The following ADAM18 variants were observed in gnomAD, a reference collection of about 807,000 sequenced individuals.
The protein encoded by ADAM18 is ADAM metallopeptidase domain 18, also known as disintegrin and metalloproteinase domain-containing protein 18.
In ADAM18, 117 loss-of-function variants were observed where a neutral mutation model predicts 94.4. The ratio of observed to expected loss-of-function variants is 1.24; its 90% CI spans 1.07 to 1.45. The LOEUF is 1.45. Among genes scored for constraint, ADAM18 ranks in the 40% most tolerant of loss-of-function variants. The pLI, the probability that ADAM18 is intolerant of heterozygous loss-of-function variation, is 0.00. For missense variants in ADAM18, 936 were observed against 880.0 expected, an observed-to-expected ratio of 1.06 and a Z score of -0.81; for synonymous variants, 327 against 291.6, an observed-to-expected ratio of 1.12 and a Z score of -1.24.
chr8:39,728,860 A>G (rs1323026643), intron 19 of ADAM18, among the ~76,000 whole-genome samples: 4 of 152,212 alleles, frequency 2.6e-5, no homozygotes. Context: ...AGAGTATTCC[A>G]TAGAAGGACA....
intron 6 of ADAM18, among the ~76,000 whole-genome samples, chr8:39,622,833 A>G (rs1197571126): frequency 1.3e-5 from 2 of 152,178 alleles, no homozygotes; most frequent in Non-Finnish European, 2.9e-5. Context: ...GTAAACCTCT[A>G]AGACTTTCTA....
intron 6 of ADAM18, among the ~76,000 whole-genome samples, chr8:39,620,383 A>AC (rs1819579066): frequency 2.7e-5 from 4 of 148,056 alleles, no homozygotes; most frequent in African/African-American, 9.9e-5. Flanking sequence ...AACAAAAAAA[A>AC]ATCACAAAAC....
chr8:39,645,759 A>G (rs7822559), intron 11 of ADAM18, among the ~76,000 whole-genome samples: 1 of 152,146 alleles, frequency 6.6e-6, no homozygotes, highest in African/African-American at 2.4e-5. Flanking sequence ...TTGCTTTGTA[A>G]CCATCTTAAA....
At chr8:39,618,760 G>C (rs1427461068) in intron 6 of ADAM18, among the ~76,000 whole-genome samples, 2 of 152,130 alleles carry the variant, frequency 1.3e-5, no homozygotes, top group East Asian at 3.9e-4. Flanking sequence ...TCCCGCAAGG[G>C]TCGCATTCCA....
intron 6 of ADAM18, among the ~76,000 whole-genome samples, chr8:39,620,786 A>C (rs1819593204): frequency 6.6e-6 from 1 of 151,878 alleles, no homozygotes; most frequent in Admixed American, 6.6e-5. Context: ...CACTGGATGT[A>C]GTTACTTATA....
At chr8:39,606,130 G>A (rs1024847756) in intron 2 of ADAM18, among the ~76,000 whole-genome samples, 177 bp from the exon 3 acceptor site, 1 of 151,770 alleles carries the variant, frequency 6.6e-6, no homozygotes, top group African/African-American at 2.4e-5. Context: ...ACATTAAATT[G>A]GTCACATTGT....
chr8:39,666,386 T>A (rs1304749617), intron 13 of ADAM18, among the ~76,000 whole-genome samples: 1 of 152,148 alleles, frequency 6.6e-6, no homozygotes, highest in African/African-American at 2.4e-5. Context: ...TCATCCTTTT[T>A]TGAAATATAT....
At chr8:39,586,789 T>TATCTATC (rs1554500908) in intron 2 of ADAM18, among the ~76,000 whole-genome samples, 25 of 136,422 alleles carry the variant, frequency 1.8e-4, no homozygotes, top group African/African-American at 6.0e-4. Context: ...TCTATCTATC[T>TATCTATC]ATCTATCTAT....
In ADAM18 at chr8:39,637,321, G is replaced by T; in HGVS notation, c.646G>T (p.Gly216Trp). The T allele has an allele frequency of 6.2e-7, 1 of 1,605,496 alleles. No individual in the cohort carries two copies. The change falls in exon 8 of 20, where the codon GGG becomes TGG. Residue 216 changes from glycine to tryptophan, a missense_variant. Physicochemically the swap from Gly to Trp is radical, Grantham distance 184 (BLOSUM62 -2). Transcript: ENST00000265707. ...AVTQKIVQVI[G>W]LVNTMFTQFK... ...AACACAAAAAATTGTCCAGGTTATT[G>T]GGCTTGTCAACACTGTAAGTTTTTA...
chr8:39,689,035 C>A (rs1046427930), intron 16 of ADAM18, among the ~76,000 whole-genome samples: 3 of 151,686 alleles, frequency 2.0e-5, no homozygotes, highest in Non-Finnish European at 4.4e-5. Context: ...TGTTCATGTT[C>A]TTTGGCCACT....
chr8:39,663,835 A>T lies in ADAM18; in HGVS notation c.1271A>T (p.Lys424Ile), dbSNP rs181716138. The T allele has an allele frequency of 1.2e-6, 2 of 1,612,732 alleles. No individual in the cohort carries two copies. The highest frequency in any genetic ancestry group is 2.2e-5 in the South Asian group (2 of 90,616). The change falls in exon 13 of 20, where the codon AAA (lysine) becomes ATA (isoleucine). Residue 424 changes from lysine (K) to isoleucine (I), a missense_variant. By Grantham distance (102) the Lys-to-Ile change is moderately radical. Transcript: ENST00000265707. Reference protein sequence around the residue: ...FKKCCDYNTCKLKGSVKCGSG... With the variant: ...FKKCCDYNTCILKGSVKCGSG... ...AAGTGCTGTGATTATAACACATGTAAACTGAAGGGCTCAGTAAAATGTGGT... is the reference window on the plus strand; with the variant it reads ...AAGTGCTGTGATTATAACACATGTATACTGAAGGGCTCAGTAAAATGTGGT...
chr8:39,696,302 T>A (rs1182987201), intron 17 of ADAM18, among the ~76,000 whole-genome samples: 2 of 73,678 alleles, frequency 2.7e-5, no homozygotes, highest in African/African-American at 1.2e-4. Flanking sequence ...ATCATATATG[T>A]GATTTGCTAT....
At chr8:39,712,197 G>A (rs982054960) in intron 18 of ADAM18, among the ~76,000 whole-genome samples, 2 of 151,800 alleles carry the variant, frequency 1.3e-5, no homozygotes, top group Non-Finnish European at 2.9e-5. Flanking sequence ...CAAAAACCAC[G>A]ATTATCTCAA....
At chr8:39,595,685 C>T (rs1231121283) in intron 2 of ADAM18, among the ~76,000 whole-genome samples, 1 of 151,934 alleles carries the variant, frequency 6.6e-6, no homozygotes, top group Non-Finnish European at 1.5e-5. Flanking sequence ...CCATACCTGG[C>T]TAATTTTTTT....
rs78245724 is a variant in ADAM18, at chr8:39,721,000, C to A, written c.2018-2748C>A. Among the ~76,000 whole-genome samples, 20 of 151,568 alleles carry A rather than the reference C, an allele frequency of 1.3e-4. 1 individual carries two copies. The East Asian group carries it at 3.3e-3, about 25-fold the overall frequency. On this transcript the variant is annotated intron_variant, in intron 18 of 19. Coordinates refer to ENST00000265707, the MANE Select transcript of ADAM18 (RefSeq NM_014237.3). ...TCTGTCAGAATATCAGAAATTAATA[C>A]CTGCTATTTCTATGCAAAGGTATAG...
intron 10 of ADAM18, 21 bp downstream of exon 10, chr8:39,638,567 T>TA (rs1448693984): frequency 7.7e-6 from 11 of 1,421,228 alleles, no homozygotes; most frequent in Non-Finnish European, 1.1e-5. Flanking sequence ...TTTATTCTTC[T>TA]TTACATCACT....
intron 2 of ADAM18, among the ~76,000 whole-genome samples, chr8:39,596,742 A>G (rs1364517342): frequency 6.6e-6 from 1 of 152,234 alleles, no homozygotes; most frequent in African/African-American, 2.4e-5. Flanking sequence ...TATTGTAAGA[A>G]ACTGCCAGCT....
chr8:39,656,372 G>T (rs985780491), intron 12 of ADAM18, among the ~76,000 whole-genome samples: 1 of 152,078 alleles, frequency 6.6e-6, no homozygotes, highest in African/African-American at 2.4e-5. Flanking sequence ...AAAGGACAGA[G>T]GAATGCAGTG....
At chr8:39,708,669 C>A (rs1025596811) in intron 18 of ADAM18, among the ~76,000 whole-genome samples, 3 of 152,216 alleles carry the variant, frequency 2.0e-5, no homozygotes, top group East Asian at 3.8e-4. Flanking sequence ...CAGTTCTCAA[C>A]TCCTTGCAGG....
Sources: gnomAD v4.1 joint callset for allele counts (sites outside exome capture counted in the v4.1 genomes callset) on GRCh38, gnomAD v4.1.1 for gene constraint, MANE v1.5 for transcripts, NCBI Gene and HGNC (gene_info 2026-07-23, HGNC 2026-07-21) for gene names.